STK10: variants seen among roughly 807,000 people sequenced by gnomAD.
STK10 encodes the protein serine/threonine kinase 10, also known as serine/threonine-protein kinase 10.
A neutral mutation model predicts 113.8 loss-of-function variants in STK10; 78 were observed. The observed-to-expected ratio is 0.69, with a 90% CI of 0.57 to 0.83. The LOEUF (loss-of-function observed/expected upper bound fraction) is 0.83, where lower values mean the gene tolerates loss of function less well. Ranked by LOEUF, STK10 falls within the 40% of genes least tolerant of loss-of-function variation. The pLI, the probability that STK10 is intolerant of heterozygous loss-of-function variation, is 0.00. For synonymous variants in STK10, 465 were observed against 494.7 expected (o/e 0.94, Z 0.80); for missense variants, 1,109 against 1,280.1 (o/e 0.87, Z 2.04).
intron 3 of STK10, among the ~76,000 whole-genome samples, chr5:172,126,064 T>C (rs956130941): frequency 1.3e-5 from 2 of 152,160 alleles, no homozygotes; most frequent in Non-Finnish European, 1.5e-5. Flanking sequence ...CCTAAGTGCC[T>C]CTCCTCTTCT....
intron 18 of STK10, among the ~76,000 whole-genome samples, chr5:172,049,452 C>G (rs1358986821): frequency 6.6e-6 from 1 of 152,050 alleles, no homozygotes; most frequent in Admixed American, 6.5e-5. Context: ...TGGGCAAAAG[C>G]CCAGCAGGGA....
In STK10 at chr5:172,118,892, A is replaced by G. The variant is rs940361350; in HGVS notation, c.371-1262T>C. 2.0e-5 allele frequency among the ~76,000 whole-genome samples: 3 copies of G among 151,322 alleles called. 1 individual carries two copies. Among genetic ancestry groups the G allele is most frequent in the African/African-American group, 7.3e-5 (3 of 41,084 alleles). On this transcript the variant is annotated intron_variant, in intron 3 of 18. Coordinates refer to ENST00000176763, the MANE Select transcript of STK10 (RefSeq NM_005990.4). ...AGACTCAGTCTCAAAAAAAAAAAAA[A>G]AAAAAGTGTCCACTGAGGAGACCCT...
At chr5:172,061,369 A>C in intron 13 of STK10, 101 bp from the exon 14 acceptor site, 1 of 1,470,384 alleles carries the variant, frequency 6.8e-7, no homozygotes, top group South Asian at 1.4e-5. Flanking sequence ...CAGAGAAGAA[A>C]ATGCAGGAAC....
chr5:172,074,341 G>A (rs1768264017), intron 12 of STK10, among the ~76,000 whole-genome samples: 1 of 152,156 alleles, frequency 6.6e-6, no homozygotes, highest in African/African-American at 2.4e-5. Flanking sequence ...GTGAAGGACA[G>A]ACAAATAGAT....
intron 2 of STK10, among the ~76,000 whole-genome samples, chr5:172,151,613 A>G (rs1210470857): frequency 6.6e-6 from 1 of 151,974 alleles, no homozygotes; most frequent in Non-Finnish European, 1.5e-5. Context: ...CAAAGTGCTG[A>G]GATTACAGGC....
intron 15 of STK10, among the ~76,000 whole-genome samples, chr5:172,056,823 T>G (rs747641340): frequency 5.4e-5 from 8 of 149,472 alleles, no homozygotes; most frequent in South Asian, 4.2e-4. Flanking sequence ...GCAGTGAGCC[T>G]AGATGGCGCC....
chr5:172,083,708 G>C (rs533392057), intron 10 of STK10, among the ~76,000 whole-genome samples: 238 of 152,116 alleles, frequency 1.6e-3, no homozygotes, highest in African/African-American at 5.6e-3. Flanking sequence ...AGGAGTTTGA[G>C]ACCAGCCTGG....
chr5:172,070,938 C>A (rs1470617638), intron 12 of STK10, among the ~76,000 whole-genome samples: 1 of 151,622 alleles, frequency 6.6e-6, no homozygotes, highest in Admixed American at 6.6e-5. Context: ...AGAAACAGGC[C>A]AGGGGCGGTG....
At chr5:172,075,442 C>T (rs1041073179) in intron 12 of STK10, among the ~76,000 whole-genome samples, 2 of 151,972 alleles carry the variant, frequency 1.3e-5, no homozygotes, top group South Asian at 2.1e-4. Flanking sequence ...TTTGGGAGGC[C>T]GAGGTGGGCG....
intron 2 of STK10, among the ~76,000 whole-genome samples, chr5:172,151,760 G>A (rs1184487139): frequency 1.3e-5 from 2 of 152,194 alleles, no homozygotes; most frequent in Non-Finnish European, 2.9e-5. Flanking sequence ...TTTCCCTCTT[G>A]CTCACTGATG....
intron 10 of STK10, among the ~76,000 whole-genome samples, chr5:172,089,393 CATGG>C (rs5873300): frequency 0.71 from 94,819 of 132,728 alleles, 33,943 homozygotes; most frequent in East Asian, 0.87. Context: ...TTGGTGGATA[CATGG>C]ATGGATGGAT....
intron 18 of STK10, among the ~76,000 whole-genome samples, chr5:172,047,592 G>A (rs1767517440): frequency 6.6e-6 from 1 of 152,198 alleles, no homozygotes; most frequent in African/African-American, 2.4e-5. Flanking sequence ...AAAGCTCCAT[G>A]AGCGCAGGGA....
At chr5:172,180,875 T>G (rs534778224) in intron 1 of STK10, among the ~76,000 whole-genome samples, 4 of 152,300 alleles carry the variant, frequency 2.6e-5, no homozygotes, top group Admixed American at 2.0e-4. Context: ...GTTGGCTCTG[T>G]GAGAACCCTT....
chr5:172,093,847 G>A lies in STK10; in HGVS notation c.1119C>T (p.Asp373=). 1 of 1,590,646 alleles carries A rather than the reference G, an allele frequency of 6.3e-7. No individual in the cohort carries two copies. The highest frequency in any genetic ancestry group is 8.6e-7 in the Non-Finnish European group (1 of 1,164,768). Residue 373 remains aspartate (D), a synonymous_variant, in exon 9 of 19, where the codon GAC becomes GAT. Coordinates refer to ENST00000176763, the MANE Select transcript of STK10 (RefSeq NM_005990.4). This position sits in a 1 kb window ranked among gnomAD's most constrained non-coding sequence, Gnocchi z 4.1. ...GCTGGCTGCAGGGCTCATTCACACT[G>A]TCCTGAGACTGGCTGGGTGCCAGCG... ...STPLAPSQSQ[D]SVNEPCSQPS...
chr5:172,146,646 A>G (rs1770093539), intron 2 of STK10, among the ~76,000 whole-genome samples: 2 of 152,240 alleles, frequency 1.3e-5, no homozygotes, highest in Admixed American at 1.3e-4. Flanking sequence ...TGGCGCACAG[A>G]GCCTGCGAGG....
intron 1 of STK10, among the ~76,000 whole-genome samples, chr5:172,181,871 A>G (rs1340349881): frequency 2.0e-5 from 3 of 152,122 alleles, no homozygotes; most frequent in Non-Finnish European, 4.4e-5. Context: ...AGGAAAAAAA[A>G]TTCACCACAA....
Position 172,150,481 on chromosome 5 carries a change from C to CAA in STK10, c.321+6141_321+6142dup, listed in dbSNP as rs61247858. Reference sequence around the variant, plus strand: ...GGGCAACAAGAGCGAAACAACACCTCAAAAAAAAAAAAAAAGAAAGAAAGA... The same window carrying CAA: ...GGGCAACAAGAGCGAAACAACACCTCAAAAAAAAAAAAAAAAAGAAAGAAAGA... On this transcript the variant is annotated intron_variant, in intron 2 of 18. Coordinates refer to ENST00000176763, the MANE Select transcript of STK10 (RefSeq NM_005990.4). 9.7e-3 allele frequency among the ~76,000 whole-genome samples: 1,033 copies of CAA among 106,808 alleles called. 15 individuals carry two copies. The highest frequency in any genetic ancestry group is 0.031 in the African/African-American group (968 of 31,046). 70.1% of individuals were successfully genotyped at this position (106,808 alleles called of 152,430 possible). A position where few individuals can be genotyped will look rare whatever the true frequency, so the allele number is the denominator to read the frequency against.
Position 172,069,516 on chromosome 5 carries a change from A to G in STK10, c.1990-4704T>C, listed in dbSNP as rs559024899. Among the ~76,000 whole-genome samples the G allele has an allele frequency of 3.9e-5, 6 of 152,318 alleles. No homozygotes were observed. The South Asian group carries it at 1.0e-3, about 26-fold the overall frequency. ...ACTATTTTAGTCTTAGCTAAAGTCT[A>G]GGAGGCTGAGGAGGATCACTTGAGC... On this transcript the variant is annotated intron_variant, in intron 12 of 18. Transcript: ENST00000176763.
At chr5:172,085,215 C>T (rs1316572363) in intron 10 of STK10, among the ~76,000 whole-genome samples, 1 of 151,924 alleles carries the variant, frequency 6.6e-6, no homozygotes, top group Non-Finnish European at 1.5e-5. Flanking sequence ...GCTTGCACTC[C>T]AGCCTGGGCA....
Sources: gnomAD v4.1 joint callset for allele counts (sites outside exome capture counted in the v4.1 genomes callset) on GRCh38, gnomAD v4.1.1 for gene constraint, Gnocchi (gnomAD v3.1) non-coding constraint, MANE v1.5 for transcripts, NCBI Gene and HGNC (gene_info 2026-07-23, HGNC 2026-07-21) for gene names.